The following GLRA2 variants were observed in gnomAD, a reference collection of about 807,000 sequenced individuals.
The protein encoded by GLRA2 is glycine receptor subunit alpha-2.
GLRA2 carries 11 observed loss-of-function variants against 31.6 expected under a neutral mutation model. That is an observed-to-expected ratio of 0.35 (90% CI 0.22 to 0.58). GLRA2 has a LOEUF of 0.58. Ranked by LOEUF, GLRA2 falls within the 20% of genes least tolerant of loss-of-function variation. GLRA2 has a pLI of 0.84. For missense variants in GLRA2, 212 were observed against 351.8 expected (o/e 0.60, Z 3.18); for synonymous variants, 132 against 134.0 (o/e 0.99, Z 0.10).
intron 8 of GLRA2, among the ~76,000 whole-genome samples, chrX:14,711,154 C>T (rs965338579): frequency 1.8e-5 from 2 of 112,236 alleles, no homozygotes; most frequent in African/African-American, 6.5e-5. Context: ...CTTCTCAAGG[C>T]CAGCCTTTTG....
chrX:14,571,993 T>A (rs1225622186), intron 2 of GLRA2, among the ~76,000 whole-genome samples: 1 of 111,883 alleles, frequency 8.9e-6, no homozygotes, highest in Non-Finnish European at 1.9e-5. Flanking sequence ...CAATTTAACC[T>A]CTCTAACACC....
the GLRA2 span, among the ~76,000 whole-genome samples, chrX:14,468,127 T>C: frequency 8.9e-6 from 1 of 111,912 alleles, no homozygotes; most frequent in Admixed American, 9.5e-5. Context: ...AAGGAAAAAT[T>C]GGCATCTCTT....
At chrX:14,456,110 G>A in the GLRA2 span, among the ~76,000 whole-genome samples, 1 of 111,470 alleles carries the variant, frequency 9.0e-6, no homozygotes, top group Admixed American at 9.6e-5. Flanking sequence ...GATCACAGTG[G>A]CCTTTGTGGG....
At chrX:14,472,978 C>A in the GLRA2 span, among the ~76,000 whole-genome samples, 2 of 111,057 alleles carry the variant, frequency 1.8e-5, no homozygotes, top group African/African-American at 6.6e-5. Flanking sequence ...GCTCATGACC[C>A]AGAGAAATTC....
chrX:14,556,301 G>T (rs189493045), intron 2 of GLRA2, among the ~76,000 whole-genome samples: 3 of 111,715 alleles, frequency 2.7e-5, no homozygotes, highest in African/African-American at 9.7e-5. Flanking sequence ...TAACATGAGA[G>T]AAAGTCATCT....
intron 6 of GLRA2, 146 bp downstream of exon 6, chrX:14,607,414 C>A (rs982989224): frequency 9.0e-6 from 4 of 442,846 alleles, no homozygotes; most frequent in Non-Finnish European, 1.5e-5. Flanking sequence ...GCTCAAAACT[C>A]CCTCAACAGA....
chrX:14,692,149 G>A (rs2091370563), intron 8 of GLRA2, among the ~76,000 whole-genome samples: 1 of 112,107 alleles, frequency 8.9e-6, no homozygotes, highest in Non-Finnish European at 1.9e-5. Context: ...TATCCTGTTA[G>A]CTGCCCTGTC....
chrX:14,655,443 T>C (rs1247273482), intron 7 of GLRA2, among the ~76,000 whole-genome samples: 1 of 111,434 alleles, frequency 9.0e-6, no homozygotes, highest in Non-Finnish European at 1.9e-5. Flanking sequence ...AACTTCATTT[T>C]TGTTCAGCCA....
chrX:14,473,103 T>C, the GLRA2 span, among the ~76,000 whole-genome samples: 1 of 111,262 alleles, frequency 9.0e-6, no homozygotes, highest in African/African-American at 3.3e-5. Flanking sequence ...GTAAGAAAAT[T>C]AGAGAGGAGA....
At chrX:14,589,338 T>C (rs778251822) in intron 4 of GLRA2, among the ~76,000 whole-genome samples, 1 of 109,707 alleles carries the variant, frequency 9.1e-6, no homozygotes, top group African/African-American at 3.3e-5. Flanking sequence ...GATGATCATA[T>C]GGTTTTGCTT....
chrX:14,699,198 A>G (rs751469640), intron 8 of GLRA2, among the ~76,000 whole-genome samples: 3 of 112,029 alleles, frequency 2.7e-5, no homozygotes, highest in African/African-American at 9.7e-5. Flanking sequence ...TATGTGCACC[A>G]TGTGAAGTTA....
the GLRA2 span, among the ~76,000 whole-genome samples, chrX:14,469,259 G>T: frequency 1.8e-5 from 2 of 111,785 alleles, no homozygotes; most frequent in Non-Finnish European, 3.8e-5. Flanking sequence ...GTCCTGACTG[G>T]TAATGCCTAG....
In GLRA2 at chrX:14,615,493, G is replaced by GAT. The variant is rs1370574777; in HGVS notation, c.930+6289_930+6290dup. ...TAGGATAAAAAGATATATGAAGTAA[G>GAT]ATGCCTAACCTATTAAGTGGAGGAG... On this transcript the variant is annotated intron_variant, in intron 7 of 8. Transcript: ENST00000218075. 2.7e-5 allele frequency among the ~76,000 whole-genome samples: 3 copies of GAT among 111,369 alleles called. No homozygotes were observed. The East Asian group carries it at 8.5e-4, about 32-fold the overall frequency.
chrX:14,677,894 TTCTC>T (rs1453327565), intron 7 of GLRA2, among the ~76,000 whole-genome samples: 1 of 112,095 alleles, frequency 8.9e-6, no homozygotes, highest in Non-Finnish European at 1.9e-5. Flanking sequence ...TGTTTTTGCT[TTCTC>T]TCTCTCAGGG....
At chrX:14,681,891 CA>C (rs1157722406) in intron 7 of GLRA2, among the ~76,000 whole-genome samples, 1,167 of 26,491 alleles carry the variant, frequency 0.044, 35 homozygotes, top group African/African-American at 0.094. Flanking sequence ...GACACCATCT[CA>C]AAAAAAAAAA....
intron 7 of GLRA2, among the ~76,000 whole-genome samples, chrX:14,668,688 T>A (rs889064183): frequency 1.8e-5 from 2 of 111,858 alleles, no homozygotes; most frequent in Non-Finnish European, 3.8e-5. Context: ...ATTTTTAAAA[T>A]CATCACATGT....
chrX:14,712,844 G>A (rs1406484275), intron 8 of GLRA2, among the ~76,000 whole-genome samples: 1 of 111,608 alleles, frequency 9.0e-6, no homozygotes, highest in African/African-American at 3.3e-5. Flanking sequence ...TAGCCACCGT[G>A]TCTAACAAAG....
At chrX:14,533,805 T>C in intron 2 of GLRA2, among the ~76,000 whole-genome samples, 2 of 111,042 alleles carry the variant, frequency 1.8e-5, no homozygotes, top group South Asian at 3.7e-4. Context: ...ACATGAATAC[T>C]TTTACTATTA....
chrX:14,716,887 C>T (rs1177476730), intron 8 of GLRA2, among the ~76,000 whole-genome samples: 9 of 111,384 alleles, frequency 8.1e-5, no homozygotes, highest in Admixed American at 6.7e-4. Context: ...ATTTGCACAT[C>T]GCCTTGTATG....
Sources: allele counts gnomAD v4.1 joint callset (sites outside exome capture counted in the v4.1 genomes callset), GRCh38; gene constraint gnomAD v4.1.1; transcripts MANE v1.5; gene names NCBI Gene and HGNC (gene_info 2026-07-23, HGNC 2026-07-21).